ANK2: variants seen among roughly 807,000 people sequenced by gnomAD.
ANK2 encodes the protein ankyrin-2.
Under a neutral mutation model 360.5 loss-of-function variants are expected in ANK2, and 83 were observed. The ratio of observed to expected loss-of-function variants is 0.23; its 90% CI spans 0.19 to 0.28. ANK2 has a LOEUF of 0.28. ANK2 is among the 10% of genes least tolerant of loss of function. The pLI is 1.00. For synonymous variants in ANK2, 1,740 were observed against 1,759.5 expected (o/e 0.99, Z 0.28); for missense variants, 4,201 against 4,795.7 (o/e 0.88, Z 3.66).
At chr4:113,057,634 CT>C (rs2070777065) in intron 1 of ANK2, among the ~76,000 whole-genome samples, 1 of 152,078 alleles carries the variant, frequency 6.6e-6, no homozygotes, top group African/African-American at 2.4e-5. Context: ...CTCATTTTAC[CT>C]GTGAAAATTT....
At chr4:113,231,370 A>G (rs2099302239) in intron 4 of ANK2, among the ~76,000 whole-genome samples, 1 of 152,026 alleles carries the variant, frequency 6.6e-6, no homozygotes, top group African/African-American at 2.4e-5. Flanking sequence ...TACATTTTCA[A>G]TCAAATTTGT....
At position 113,156,371 on chromosome 4, in the gene ANK2, C is replaced by CTTTTTTTT. The variant is rs150536846; in HGVS notation, c.85-18042_85-18035dup. On this transcript the variant is annotated intron_variant, in intron 1 of 45. Coordinates refer to ENST00000357077, the MANE Select transcript of ANK2 (RefSeq NM_001148.6). ...CGTATAGAGTATATGTAGAAAAATT[C>CTTTTTTTT]TTTTTTTTTTGTTTTTGAGACAGAG... 3.8e-3 allele frequency among the ~76,000 whole-genome samples: 491 copies of CTTTTTTTT among 128,466 alleles called. 16 individuals are homozygous for CTTTTTTTT. In the South Asian group the frequency reaches 0.038, roughly 10 times the overall value. The allele number at this position is 128,466 out of a possible 152,430, so 84.3% of individuals were successfully genotyped here. A position where few individuals can be genotyped will look rare whatever the true frequency, so the allele number is the denominator to read the frequency against.
chr4:113,065,735 T>G (rs1177593965), intron 1 of ANK2, among the ~76,000 whole-genome samples: 1 of 152,240 alleles, frequency 6.6e-6, no homozygotes, highest in Non-Finnish European at 1.5e-5. Flanking sequence ...AGGAGACTTG[T>G]GATTAACTTG....
chr4:113,138,865 T>C (rs114888456), intron 1 of ANK2, among the ~76,000 whole-genome samples: 1,988 of 152,352 alleles, frequency 0.013, 27 homozygotes, highest in Non-Finnish European at 0.021. Context: ...TGTAGCTTAA[T>C]GCCTGTGAAC....
intron 1 of ANK2, among the ~76,000 whole-genome samples, chr4:112,860,485 A>G (rs1448209377): frequency 6.6e-6 from 1 of 152,150 alleles, no homozygotes; most frequent in African/African-American, 2.4e-5. Context: ...TTTGAACACT[A>G]GAAAAAAACT....
chr4:112,867,231 G>C (rs1016176410), intron 1 of ANK2, among the ~76,000 whole-genome samples: 2 of 151,240 alleles, frequency 1.3e-5, no homozygotes, highest in Non-Finnish European at 3.0e-5. Context: ...TTTTATAAAG[G>C]CTATTGCTTT....
chr4:112,714,939 G>T, the ANK2 span, among the ~76,000 whole-genome samples: 1 of 152,188 alleles, frequency 6.6e-6, no homozygotes, highest in Admixed American at 6.5e-5. Context: ...ATTATCAATT[G>T]CTACATAACA....
At chr4:113,344,115 C>A (rs1317721947) in intron 34 of ANK2, among the ~76,000 whole-genome samples, 2 of 152,148 alleles carry the variant, frequency 1.3e-5, no homozygotes, top group African/African-American at 4.8e-5. Context: ...CCACATTAAG[C>A]AGTAACTGCT....
chr4:112,718,660 G>A, the ANK2 span, among the ~76,000 whole-genome samples: 3 of 151,114 alleles, frequency 2.0e-5, no homozygotes, highest in East Asian at 1.9e-4. Flanking sequence ...TTTTTGAGAC[G>A]GAGTTTCACT....
At chr4:113,286,134 A>C (rs918008938) in intron 18 of ANK2, among the ~76,000 whole-genome samples, 28 of 152,254 alleles carry the variant, frequency 1.8e-4, no homozygotes, top group Non-Finnish European at 4.1e-4. Flanking sequence ...TGATCACTTC[A>C]TGTGATGATC....
rs150774922 is a variant in ANK2, at chr4:112,829,851, T to C, written c.-40+11587T>C. On this transcript the variant is annotated intron_variant, in intron 1 of 30. Transcript: ENST00000503271. ...GTGGGTACCTGTAGTCCCAGCTACT[T>C]GGGAGGCTGAGGCGGGAGAATGGCG... Among the ~76,000 whole-genome samples the C allele has an allele frequency of 9.1e-4, 139 of 151,920 alleles. 1 individual carries two copies. The highest frequency in any genetic ancestry group is 1.3e-3 in the Non-Finnish European group (85 of 67,928).
At chr4:113,165,361 G>C (rs1007472319) in intron 1 of ANK2, among the ~76,000 whole-genome samples, 1 of 152,124 alleles carries the variant, frequency 6.6e-6, no homozygotes, top group African/African-American at 2.4e-5. Context: ...TGTAAGATTT[G>C]ATTATTTCTA....
intron 4 of ANK2, among the ~76,000 whole-genome samples, chr4:113,207,122 C>T (rs1248132354): frequency 1.3e-5 from 2 of 152,308 alleles, no homozygotes; most frequent in Non-Finnish European, 2.9e-5. Flanking sequence ...CACACACACA[C>T]ACACACTCCC....
intron 2 of ANK2, among the ~76,000 whole-genome samples, chr4:112,992,229 C>T (rs111682693): frequency 4.6e-5 from 7 of 151,974 alleles, no homozygotes; most frequent in South Asian, 4.2e-4. Context: ...CTGCAACCTC[C>T]GCCTCCCAGG....
At chr4:112,881,986 C>A in intron 1 of ANK2, 1 of 582,470 alleles carries the variant, frequency 1.7e-6, no homozygotes, top group South Asian at 1.8e-5. Flanking sequence ...CCCAGAGCCC[C>A]CGGAGTGCTT....
chr4:113,302,685 A>C, intron 22 of ANK2, 82 bp from the exon 23 acceptor site: 1 of 1,054,438 alleles, frequency 9.5e-7, no homozygotes. Context: ...GCTGCTGTTG[A>C]GTGTGGCCTC....
At position 113,341,668 on chromosome 4, in the gene ANK2, G is replaced by T. The variant is rs1231260441; in HGVS notation, c.3894-20G>T. On this transcript the variant is annotated intron_variant, in intron 32 of 45. Coordinates refer to ENST00000357077, the MANE Select transcript of ANK2 (RefSeq NM_001148.6). ...GGTATACTTTGAACTTTAGATAACT[G>T]ACTTTATTTATTTTAATAGGTTCTG... 2 of 1,611,744 alleles carry T rather than the reference G, an allele frequency of 1.2e-6. No individual in the cohort carries two copies. Among genetic ancestry groups the T allele is most frequent in the Non-Finnish European group, 1.7e-6 (2 of 1,178,176 alleles).
chr4:112,963,185 T>G (rs1310188508), intron 2 of ANK2, among the ~76,000 whole-genome samples: 1 of 152,178 alleles, frequency 6.6e-6, no homozygotes, highest in Non-Finnish European at 1.5e-5. Context: ...AGAATGTATT[T>G]TGATATAATT....
At chr4:113,325,570 AT>A (rs1030921905) in intron 26 of ANK2, among the ~76,000 whole-genome samples, 29 of 152,280 alleles carry the variant, frequency 1.9e-4, no homozygotes, top group African/African-American at 5.5e-4. Flanking sequence ...TGATAATAGT[AT>A]TTTTATATCT....
Sources: allele counts gnomAD v4.1 joint callset (sites outside exome capture counted in the v4.1 genomes callset), GRCh38; gene constraint gnomAD v4.1.1; transcripts MANE v1.5; gene names NCBI Gene and HGNC (gene_info 2026-07-23, HGNC 2026-07-21).